Variants in ABCD3 observed in about 807,000 individuals in gnomAD.
ABCD3 encodes ATP binding cassette subfamily D member 3, also known as ATP-binding cassette sub-family D member 3.
A neutral mutation model predicts 105.5 loss-of-function variants in ABCD3; 41 were observed. The observed-to-expected ratio is 0.39, with a 90% confidence interval of 0.30 to 0.50. ABCD3 has a LOEUF of 0.50. Among genes scored for constraint, ABCD3 ranks in the 20% least tolerant of loss-of-function variants. The pLI, the probability that ABCD3 is intolerant of heterozygous loss-of-function variation, is 0.84. For synonymous variants in ABCD3, 258 were observed against 269.0 expected, an observed-to-expected ratio of 0.96 and a Z score of 0.40; for missense variants, 622 against 806.3, an observed-to-expected ratio of 0.77 and a Z score of 2.77.
intron 3 of ABCD3, among the ~76,000 whole-genome samples, chr1:94,467,690 T>A (rs1022670053): frequency 6.6e-5 from 10 of 152,210 alleles, no homozygotes; most frequent in South Asian, 4.1e-4. Flanking sequence ...CACTTTTGAA[T>A]TCTGAATGAG....
At chr1:94,482,479 C>T (rs1196461895) in intron 9 of ABCD3, 2 of 152,232 alleles carry the variant, frequency 1.3e-5, no homozygotes, top group Non-Finnish European at 2.9e-5. Flanking sequence ...ATGTTAGGGT[C>T]AGATAGGAGT....
chr1:94,388,212 T>C, the ABCD3 span, among the ~76,000 whole-genome samples: 24 of 152,360 alleles, frequency 1.6e-4, no homozygotes, highest in African/African-American at 5.8e-4. Flanking sequence ...GAAGGAATTC[T>C]TATCTATGAA....
upstream of ABCD3, among the ~76,000 whole-genome samples, chr1:94,415,062 G>A (rs1182352895): frequency 6.6e-6 from 1 of 152,162 alleles, no homozygotes; most frequent in Non-Finnish European, 1.5e-5. Context: ...TTCCTCTCCA[G>A]GGCACTTTGA....
chr1:94,427,033 C>T (rs1431695821), intron 1 of ABCD3, among the ~76,000 whole-genome samples: 2 of 152,106 alleles, frequency 1.3e-5, no homozygotes, highest in Admixed American at 6.5e-5. Context: ...AGTATGTTTA[C>T]ACCACTATAA....
chr1:94,418,904 T>TC, intron 1 of ABCD3: 1 of 444,496 alleles, frequency 2.2e-6, no homozygotes, highest in South Asian at 2.4e-5. Flanking sequence ...ATGCGGTGTG[T>TC]CCCCCACCCC....
chr1:94,440,851 T>C (rs1369206677), intron 1 of ABCD3, among the ~76,000 whole-genome samples: 1 of 152,056 alleles, frequency 6.6e-6, no homozygotes, highest in African/African-American at 2.4e-5. Flanking sequence ...GGAGGATGGG[T>C]TCAAGGAGCT....
intron 1 of ABCD3, among the ~76,000 whole-genome samples, chr1:94,427,200 C>G (rs1158035342): frequency 6.6e-6 from 1 of 152,134 alleles, no homozygotes; most frequent in Non-Finnish European, 1.5e-5. Flanking sequence ...TGGGATGTTT[C>G]TGCTGGAGCT....
chr1:94,500,890 T>C (rs909351969), intron 20 of ABCD3, among the ~76,000 whole-genome samples: 5 of 152,062 alleles, frequency 3.3e-5, no homozygotes, highest in African/African-American at 1.2e-4. Context: ...GAGTGAAAAT[T>C]TGAAATGATT....
chr1:94,420,873 A>G (rs1396374873), intron 1 of ABCD3, among the ~76,000 whole-genome samples: 1 of 152,126 alleles, frequency 6.6e-6, no homozygotes, highest in South Asian at 2.1e-4. Context: ...TCTTTTGTCT[A>G]TGTTGTTAAT....
intron 1 of ABCD3, among the ~76,000 whole-genome samples, chr1:94,447,716 TA>T (rs1467739837): frequency 2.0e-4 from 31 of 152,328 alleles, no homozygotes; most frequent in African/African-American, 7.5e-4. Context: ...ATTCAGTTTC[TA>T]GTGCTGGTTT....
chr1:94,390,927 A>C, the ABCD3 span, among the ~76,000 whole-genome samples: 1 of 152,204 alleles, frequency 6.6e-6, no homozygotes, highest in Non-Finnish European at 1.5e-5. Context: ...ACTGGAGCAT[A>C]ATAAAGGTAT....
the ABCD3 span, among the ~76,000 whole-genome samples, chr1:94,404,100 T>C: frequency 6.6e-6 from 1 of 152,182 alleles, no homozygotes; most frequent in African/African-American, 2.4e-5. Context: ...ATCTGAGGTT[T>C]CCAGTTGCAA....
intron 1 of ABCD3, among the ~76,000 whole-genome samples, chr1:94,438,502 G>A (rs899011873): frequency 6.6e-6 from 1 of 152,100 alleles, no homozygotes; most frequent in African/African-American, 2.4e-5. Flanking sequence ...AGATTTGAGA[G>A]GATTGATTGA....
At chr1:94,386,787 G>A in the ABCD3 span, among the ~76,000 whole-genome samples, 10 of 152,160 alleles carry the variant, frequency 6.6e-5, no homozygotes, top group East Asian at 7.7e-4. Flanking sequence ...CCCAAGAGGC[G>A]GAGGTTGCAG....
chr1:94,477,811 A>G (rs374377296), intron 7 of ABCD3, among the ~76,000 whole-genome samples: 36 of 152,328 alleles, frequency 2.4e-4, no homozygotes, highest in African/African-American at 8.7e-4. Context: ...TGATAAAGTA[A>G]TAGAGTCAAA....
chr1:94,497,118 G>A (rs1056732026), intron 16 of ABCD3, among the ~76,000 whole-genome samples: 10 of 151,874 alleles, frequency 6.6e-5, no homozygotes, highest in South Asian at 2.1e-4. Flanking sequence ...TTAAAAATGC[G>A]GCTTTCCTCA....
At chr1:94,495,884 T>G (rs1014734442) in intron 16 of ABCD3, among the ~76,000 whole-genome samples, 5 of 152,204 alleles carry the variant, frequency 3.3e-5, no homozygotes, top group Admixed American at 3.3e-4. Flanking sequence ...TAACCTTGCT[T>G]TATGAGGAAC....
intron 3 of ABCD3, 57 bp downstream of exon 3, chr1:94,464,930 C>G: frequency 1.5e-6 from 2 of 1,370,372 alleles, no homozygotes; most frequent in Non-Finnish European, 2.1e-6. Flanking sequence ...AATAAAATAC[C>G]TGAGGCTGGG....
intron 16 of ABCD3, among the ~76,000 whole-genome samples, chr1:94,496,694 G>GTTTTTTTTTTTTTT (rs71094302): frequency 2.5e-5 from 1 of 39,372 alleles, no homozygotes; most frequent in Non-Finnish European, 4.1e-5. Context: ...CCTTGTTTCT[G>GTTTTTTTTTTTTTT]TTTTTTTTTT....
Sources: gnomAD v4.1 joint callset for allele counts (sites outside exome capture counted in the v4.1 genomes callset) on GRCh38, gnomAD v4.1.1 for gene constraint, MANE v1.5 for transcripts, NCBI Gene and HGNC (gene_info 2026-07-23, HGNC 2026-07-21) for gene names.